RBPJ: variants seen among roughly 807,000 people sequenced by gnomAD.
The protein encoded by RBPJ is recombining binding protein suppressor of hairless.
A neutral mutation model predicts 67.8 loss-of-function variants in RBPJ; 9 were observed. The ratio of observed to expected loss-of-function variants is 0.13; its 90% CI spans 0.08 to 0.23. RBPJ has a LOEUF of 0.23. Ranked by LOEUF, RBPJ falls within the 10% of genes least tolerant of loss-of-function variation. The pLI is 1.00. For missense variants in RBPJ, 305 were observed against 595.6 expected (o/e 0.51, Z 5.08); for synonymous variants, 198 against 203.3 (o/e 0.97, Z 0.22).
intron 1 of RBPJ, among the ~76,000 whole-genome samples, chr4:26,237,594 C>G (rs1412509137): frequency 6.6e-6 from 1 of 152,148 alleles, no homozygotes; most frequent in Non-Finnish European, 1.5e-5. Context: ...AGCCTTCTAT[C>G]TGGAAGATGC....
intron 1 of RBPJ, among the ~76,000 whole-genome samples, chr4:26,263,241 T>C (rs1466875536): frequency 6.6e-6 from 1 of 152,198 alleles, no homozygotes; most frequent in African/African-American, 2.4e-5. Context: ...CCGTCCAGGT[T>C]GTCAGAGCCA....
At chr4:26,356,827 A>G (rs1029553775) in intron 1 of RBPJ, among the ~76,000 whole-genome samples, 1 of 152,250 alleles carries the variant, frequency 6.6e-6, no homozygotes, top group Non-Finnish European at 1.5e-5. Flanking sequence ...TGAAATTGCT[A>G]GTTGCAAAGA....
intron 1 of RBPJ, among the ~76,000 whole-genome samples, chr4:26,355,834 C>CCCAAGGAGCATTGAGGTACA (rs1727320161): frequency 6.6e-6 from 1 of 152,162 alleles, no homozygotes; most frequent in African/African-American, 2.4e-5. Flanking sequence ...ACAGGCATTT[C>CCCAAGGAGCATTGAGGTACA]CCAAGGAGCA....
intron 1 of RBPJ, among the ~76,000 whole-genome samples, chr4:26,367,182 G>A (rs571982518): frequency 2.8e-4 from 42 of 150,204 alleles, no homozygotes; most frequent in African/African-American, 8.8e-4. Context: ...GATGATGCAC[G>A]CTAAAACCTA....
At chr4:26,314,255 A>G (rs1364089669) in intron 1 of RBPJ, among the ~76,000 whole-genome samples, 1 of 152,222 alleles carries the variant, frequency 6.6e-6, no homozygotes, top group Non-Finnish European at 1.5e-5. Context: ...AATTTAAAAA[A>G]AAAGACATCT....
chr4:26,191,208 T>C (rs371650603), intron 1 of RBPJ, among the ~76,000 whole-genome samples: 1 of 27,248 alleles, frequency 3.7e-5, no homozygotes, highest in African/African-American at 1.3e-4. Context: ...TATATATATA[T>C]ATAGAGAGAG....
At chr4:26,303,577 T>C (rs2109301545) in intron 1 of RBPJ, among the ~76,000 whole-genome samples, 1 of 152,262 alleles carries the variant, frequency 6.6e-6, no homozygotes, top group South Asian at 2.1e-4. Context: ...TATCATTTAG[T>C]TGCCCCCACT....
chr4:26,140,045 A>G, the RBPJ span, among the ~76,000 whole-genome samples: 1 of 152,174 alleles, frequency 6.6e-6, no homozygotes, highest in Non-Finnish European at 1.5e-5. Context: ...GTCATCTTGC[A>G]TACGTTCTCC....
intron 1 of RBPJ, among the ~76,000 whole-genome samples, chr4:26,193,027 G>T (rs968814402): frequency 2.6e-5 from 4 of 152,140 alleles, no homozygotes; most frequent in Non-Finnish European, 5.9e-5. Context: ...GCAGTTGCTG[G>T]CTTTGAAGAT....
rs1233162061 is a variant in RBPJ at position 26,433,146 on chromosome 4, C to T, written c.*2139C>T. ...CTCACTTCTCTCTTATAAGCTAATC[C>T]TGCCTCACACCTTAAATCTGTTTCA... On this transcript the variant is annotated 3_prime_UTR_variant, in exon 11 of 11. Transcript: ENST00000355476. 6.6e-6 allele frequency: 1 copy of T among 152,214 alleles called. No homozygotes were observed. Among genetic ancestry groups the T allele is most frequent in the Non-Finnish European group, 1.5e-5 (1 of 68,032 alleles). 9.4% of individuals were successfully genotyped at this position (152,214 alleles called of 1,614,324 possible).
At position 26,434,592 on chromosome 4, in the gene RBPJ, ACTGTAT is replaced by A. The variant is rs1227816516; in HGVS notation, c.*3588_*3593del. ...TTCTGTTTAACCCTTTCAGGACTGA[ACTGTAT>A]CTCCTTTTGTTAATTTTCCCCTGTG... On this transcript the variant is annotated 3_prime_UTR_variant, in exon 11 of 11. Coordinates refer to ENST00000355476, the MANE Select transcript of RBPJ (RefSeq NM_015874.6). 2.6e-5 allele frequency: 4 copies of A among 152,162 alleles called. No homozygotes were observed. Among genetic ancestry groups the A allele is most frequent in the African/African-American group, 9.7e-5 (4 of 41,432 alleles). The allele number at this position is 152,162 out of a possible 1,614,324, so 9.4% of individuals were successfully genotyped here. A position where few individuals can be genotyped will look rare whatever the true frequency, so the allele number is the denominator to read the frequency against.
At chr4:26,202,666 G>T (rs187438638) in intron 1 of RBPJ, among the ~76,000 whole-genome samples, 12 of 152,078 alleles carry the variant, frequency 7.9e-5, no homozygotes, top group East Asian at 3.9e-4. Flanking sequence ...CAGCACTTTG[G>T]GGGGGCCAAA....
At chr4:26,297,472 T>G (rs950543937) in intron 1 of RBPJ, among the ~76,000 whole-genome samples, 1 of 152,020 alleles carries the variant, frequency 6.6e-6, no homozygotes, top group East Asian at 1.9e-4. Flanking sequence ...TGACTGAGAA[T>G]GTCGATGGAA....
At chr4:26,378,649 G>T (rs1456601986) in intron 1 of RBPJ, among the ~76,000 whole-genome samples, 1 of 152,146 alleles carries the variant, frequency 6.6e-6, no homozygotes, top group African/African-American at 2.4e-5. Context: ...TACATAAACT[G>T]CTGGCAGAAT....
At chr4:26,214,551 G>GGAA (rs1718565987) in intron 1 of RBPJ, among the ~76,000 whole-genome samples, 1 of 87,902 alleles carries the variant, frequency 1.1e-5, no homozygotes, top group Non-Finnish European at 2.3e-5. Context: ...GAGGGAGGGA[G>GGAA]GGAAAAGAGA....
intron 1 of RBPJ, among the ~76,000 whole-genome samples, chr4:26,179,136 A>G (rs1401678927): frequency 6.6e-6 from 1 of 152,046 alleles, no homozygotes; most frequent in African/African-American, 2.4e-5. Flanking sequence ...GTAACAAAAA[A>G]GCAAGCACAA....
At chr4:26,146,346 A>T in the RBPJ span, among the ~76,000 whole-genome samples, 1 of 152,336 alleles carries the variant, frequency 6.6e-6, no homozygotes, top group Non-Finnish European at 1.5e-5. Flanking sequence ...TCCCATGCAA[A>T]AAGATGAACT....
intron 1 of RBPJ, among the ~76,000 whole-genome samples, chr4:26,358,645 A>G (rs1490347150): frequency 1.3e-5 from 2 of 148,468 alleles, no homozygotes; most frequent in African/African-American, 5.0e-5. Context: ...TTAGTGGGGT[A>G]CGTGGTGCAT....
chr4:26,216,841 C>A (rs1385645454), intron 1 of RBPJ, among the ~76,000 whole-genome samples: 1 of 152,088 alleles, frequency 6.6e-6, no homozygotes, highest in African/African-American at 2.4e-5. Flanking sequence ...GAGAGAATTG[C>A]CTGAGCCCAG....
Sources: allele counts gnomAD v4.1 joint callset (sites outside exome capture counted in the v4.1 genomes callset), GRCh38; gene constraint gnomAD v4.1.1; transcripts MANE v1.5; gene names NCBI Gene and HGNC (gene_info 2026-07-23, HGNC 2026-07-21).